Variants in ARB2A observed in about 807,000 individuals in gnomAD.
ARB2A encodes the protein cotranscriptional regulator ARB2A.
chr5:93,683,007 T>G, the ARB2A span: 1 of 1,580,712 alleles, frequency 6.3e-7, no homozygotes, highest in Non-Finnish European at 8.6e-7. Context: ...CTAGGTCCTT[T>G]TGGTGTTTTA....
At chr5:93,620,867 G>A in the ARB2A span, 1 of 1,374,294 alleles carries the variant, frequency 7.3e-7, no homozygotes, top group Non-Finnish European at 9.8e-7. Flanking sequence ...TATATATCAC[G>A]ACCCTGGGCT....
chr5:93,815,778 T>C, the ARB2A span, among the ~76,000 whole-genome samples: 1 of 152,174 alleles, frequency 6.6e-6, no homozygotes, highest in Admixed American at 6.5e-5. Context: ...AACCAATTAC[T>C]AGATTTTGTT....
chr5:93,932,039 C>T, the ARB2A span, among the ~76,000 whole-genome samples: 1 of 152,010 alleles, frequency 6.6e-6, no homozygotes, highest in Non-Finnish European at 1.5e-5. Flanking sequence ...ATTAAGAATT[C>T]AATTTATACA....
At chr5:93,770,798 A>G in the ARB2A span, among the ~76,000 whole-genome samples, 2 of 152,260 alleles carry the variant, frequency 1.3e-5, no homozygotes. Context: ...TCAATGAAAT[A>G]AAAGAGGATA....
the ARB2A span, chr5:94,053,049 T>C: frequency 4.3e-6 from 3 of 694,618 alleles, no homozygotes; most frequent in African/African-American, 5.6e-5. Flanking sequence ...CTATGAGCAC[T>C]GATAAATAAA....
At chr5:93,889,253 A>T in the ARB2A span, among the ~76,000 whole-genome samples, 1 of 151,856 alleles carries the variant, frequency 6.6e-6, no homozygotes, top group Non-Finnish European at 1.5e-5. Context: ...CTCTGTAACA[A>T]TGAAAATGTA....
chr5:93,721,643 T>C, the ARB2A span, among the ~76,000 whole-genome samples: 9 of 152,224 alleles, frequency 5.9e-5, no homozygotes, highest in Middle Eastern at 3.4e-3. Context: ...TTTCCCAACG[T>C]TGAGGAACTT....
chr5:93,867,697 A>G, the ARB2A span, among the ~76,000 whole-genome samples: 4 of 152,052 alleles, frequency 2.6e-5, no homozygotes, highest in Non-Finnish European at 5.9e-5. Context: ...AGAAAAGCAA[A>G]TTCAGGTATA....
the ARB2A span, among the ~76,000 whole-genome samples, chr5:93,751,391 C>G: frequency 1.3e-5 from 2 of 152,104 alleles, no homozygotes; most frequent in East Asian, 3.9e-4. Context: ...AATGATAGCA[C>G]AAGGTCTCAA....
the ARB2A span, among the ~76,000 whole-genome samples, chr5:94,067,611 T>A: frequency 7.9e-5 from 12 of 152,136 alleles, no homozygotes; most frequent in African/African-American, 2.9e-4. Flanking sequence ...TAGGAATAAA[T>A]TTAACCAAAG....
At chr5:93,912,920 T>A in the ARB2A span, among the ~76,000 whole-genome samples, 3 of 151,818 alleles carry the variant, frequency 2.0e-5, no homozygotes, top group African/African-American at 4.8e-5. Flanking sequence ...TAAAAAAAAA[T>A]TTAGCATACA....
chr5:93,849,977 T>C, the ARB2A span, among the ~76,000 whole-genome samples: 1 of 152,200 alleles, frequency 6.6e-6, no homozygotes, highest in Non-Finnish European at 1.5e-5. Flanking sequence ...TTCTAATTAA[T>C]TTAATCCTCA....
chr5:93,935,012 T>A, the ARB2A span, among the ~76,000 whole-genome samples: 24 of 151,970 alleles, frequency 1.6e-4, no homozygotes, highest in Non-Finnish European at 2.5e-4. Flanking sequence ...CACTCATAAG[T>A]GGGAGCTAAG....
the ARB2A span, among the ~76,000 whole-genome samples, chr5:94,051,748 C>A: frequency 2.6e-5 from 4 of 152,210 alleles, no homozygotes; most frequent in Admixed American, 6.5e-5. Context: ...CATATCTAAA[C>A]CAGTCATCCT....
the ARB2A span, among the ~76,000 whole-genome samples, chr5:93,826,993 C>T: frequency 1.3e-5 from 2 of 151,778 alleles, no homozygotes; most frequent in African/African-American, 4.8e-5. Flanking sequence ...TCCGGTCTAT[C>T]GTTGTTGGAC....
the ARB2A span, among the ~76,000 whole-genome samples, chr5:94,052,764 C>CA: frequency 6.6e-6 from 1 of 152,302 alleles, no homozygotes; most frequent in South Asian, 2.1e-4. Context: ...TTCTAAATAA[C>CA]ATGTGAAACA....
At chr5:93,819,003 C>G in the ARB2A span, among the ~76,000 whole-genome samples, 1 of 151,384 alleles carries the variant, frequency 6.6e-6, no homozygotes, top group Admixed American at 6.6e-5. Flanking sequence ...CTGGCTAACA[C>G]GGTGAAACCC....
the ARB2A span, among the ~76,000 whole-genome samples, chr5:93,827,799 T>G: frequency 6.6e-6 from 1 of 151,846 alleles, no homozygotes; most frequent in African/African-American, 2.4e-5. Flanking sequence ...GGATCCAGTT[T>G]CAGCTTTCTA....
At chr5:94,070,819 A>G in the ARB2A span, among the ~76,000 whole-genome samples, 2 of 152,098 alleles carry the variant, frequency 1.3e-5, no homozygotes, top group African/African-American at 2.4e-5. Flanking sequence ...CACCATTAGG[A>G]AAATGCAAAT....
Sources: allele counts gnomAD v4.1 joint callset (sites outside exome capture counted in the v4.1 genomes callset), GRCh38; gene constraint gnomAD v4.1.1; transcripts MANE v1.5; gene names NCBI Gene and HGNC (gene_info 2026-07-23, HGNC 2026-07-21).